The following SLC43A2 variants were observed in gnomAD, a reference collection of about 807,000 sequenced individuals.
SLC43A2 encodes large neutral amino acids transporter small subunit 4.
SLC43A2 carries 38 observed loss-of-function variants against 63.2 expected under a neutral mutation model. That is an observed-to-expected ratio of 0.60 (90% CI 0.46 to 0.79). The LOEUF is 0.79. Ranked by LOEUF, SLC43A2 falls within the 30% of genes least tolerant of loss-of-function variation. The probability of loss-of-function intolerance (pLI) is 0.00; values close to 1 mark genes in which losing one functional copy is unlikely to be tolerated. For synonymous variants in SLC43A2, 322 were observed against 331.0 expected (o/e 0.97, Z 0.30); for missense variants, 644 against 756.2 (o/e 0.85, Z 1.74).
intron 11 of SLC43A2, among the ~76,000 whole-genome samples, chr17:1,580,980 G>A (rs2076003512): frequency 6.6e-6 from 1 of 152,080 alleles, no homozygotes; most frequent in South Asian, 2.1e-4. Flanking sequence ...GCTGTCTGTG[G>A]GAGGCCCCCT....
rs926928889 is a variant in SLC43A2 at position 1,578,858 on chromosome 17, A to C, written c.1351-535T>G. Among the ~76,000 whole-genome samples, 15 of 146,074 alleles carry C rather than the reference A, an allele frequency of 1.0e-4. No individual in the cohort carries two copies. The highest frequency in any genetic ancestry group is 2.3e-4 in the East Asian group (1 of 4,316). On this transcript the variant is annotated intron_variant, in intron 11 of 13. Coordinates refer to ENST00000301335, the MANE Select transcript of SLC43A2 (RefSeq NM_152346.3). This position sits in a 1 kb window ranked among gnomAD's most constrained non-coding sequence, Gnocchi z 6.5. ...GAGTCATTATTAAAAATTAAATTAT[A>C]GGCTGGGCAAGGTGGCTCACGCCCG... is the stretch of plus-strand genomic sequence containing the variant.
At chr17:1,591,235 T>A (rs1383029738) in intron 8 of SLC43A2, 34 bp downstream of exon 8, 2 of 1,596,510 alleles carry the variant, frequency 1.3e-6, no homozygotes, top group East Asian at 2.2e-5. Flanking sequence ...GAGCACTCCC[T>A]GCCCGTCGCC....
chr17:1,591,718 A>AGGGGGG lies in SLC43A2; in HGVS notation c.595-20_595-19insCCCCCC. On this transcript the variant is annotated intron_variant, in intron 6 of 13. Coordinates refer to ENST00000301335, the MANE Select transcript of SLC43A2 (RefSeq NM_152346.3). The stretch of plus-strand genomic sequence containing the variant: ...AGATGAGCTGACAGGCACCGCGGGG[A>AGGGGGG]CGGGGTGGGGGGGGGAGGGGGCAGA... 1 of 116,032 alleles carries AGGGGGG rather than the reference A, an allele frequency of 8.6e-6. No homozygotes were observed. Among genetic ancestry groups the AGGGGGG allele is most frequent in the Non-Finnish European group, 2.0e-5 (1 of 50,888 alleles). 7.2% of individuals were successfully genotyped at this position (116,032 alleles called of 1,614,324 possible).
At position 1,606,637 on chromosome 17, in the gene SLC43A2, G is replaced by A. The variant is rs569883056; in HGVS notation, c.501+6558C>T. On this transcript the variant is annotated intron_variant, in intron 5 of 13. Transcript: ENST00000301335. The surrounding 1 kb of genome is among the most constrained non-coding windows in gnomAD (Gnocchi z 4.7). ...AGATGCGGCCTCAGCCGCCGGCCGTGTTTGTGCTCCAGCCGATGAAGCGAG... is the reference window on the plus strand; with the variant it reads ...AGATGCGGCCTCAGCCGCCGGCCGTATTTGTGCTCCAGCCGATGAAGCGAG... 2.6e-5 allele frequency among the ~76,000 whole-genome samples: 4 copies of A among 152,322 alleles called. No homozygotes were observed. Among genetic ancestry groups the A allele is most frequent in the Non-Finnish European group, 4.4e-5 (3 of 68,032 alleles).
At position 1,591,409 on chromosome 17, in the gene SLC43A2, T is replaced by G. The variant is rs1426810512; in HGVS notation, c.791A>C (p.Lys264Thr). Residue 264 changes from lysine (K) to threonine (T), a missense_variant, in exon 8 of 14, where the codon AAG becomes ACG. Lys to Thr is a moderately conservative substitution (Grantham distance 78). Around this residue, in one of 3 missense-constraint regions of SLC43A2, gnomAD observed 528 missense variants for 623.6 expected, o/e 0.85. Coordinates refer to ENST00000301335, the MANE Select transcript of SLC43A2 (RefSeq NM_152346.3). ...GCGCCGGCCCACCGTGGTCACCTGC[T>G]TGTAGAACTGCTTCCCTGTGATCTT... ...DHKITGKQFYKQVTTVGRRLS... is the reference protein window; with the variant it reads ...DHKITGKQFYTQVTTVGRRLS... 6.2e-7 allele frequency: 1 copy of G among 1,613,168 alleles called. No homozygotes were observed. Among genetic ancestry groups the G allele is most frequent in the Non-Finnish European group, 8.5e-7 (1 of 1,179,964 alleles).
intron 5 of SLC43A2, among the ~76,000 whole-genome samples, chr17:1,598,027 G>A (rs1905486998): frequency 6.6e-6 from 1 of 152,164 alleles, no homozygotes; most frequent in Non-Finnish European, 1.5e-5. Flanking sequence ...GCATCTCCGT[G>A]GCCATATCTA....
chr17:1,590,660 C>T (rs1904663396), intron 9 of SLC43A2, 142 bp downstream of exon 9: 2 of 1,093,518 alleles, frequency 1.8e-6, no homozygotes, highest in South Asian at 1.5e-5. Flanking sequence ...GATGCAATAG[C>T]TCTGACGGGC....
intron 10 of SLC43A2, 128 bp downstream of exon 10, chr17:1,585,785 C>T (rs775716280): frequency 1.9e-6 from 3 of 1,598,986 alleles, no homozygotes; most frequent in African/African-American, 1.3e-5. Flanking sequence ...TCTCTAAGGG[C>T]TCCGGGAGCA....
chr17:1,592,431 C>G (rs1011758846), intron 6 of SLC43A2, among the ~76,000 whole-genome samples: 1 of 152,068 alleles, frequency 6.6e-6, no homozygotes, highest in Admixed American at 6.5e-5. Context: ...TGTTCCCCCC[C>G]AAAAAAAGGA....
chr17:1,620,049 C>A (rs1908011967), intron 2 of SLC43A2, among the ~76,000 whole-genome samples: 1 of 152,136 alleles, frequency 6.6e-6, no homozygotes, highest in Admixed American at 6.5e-5. Context: ...TGGGTTTTCT[C>A]ATCTAGAGCC....
intron 5 of SLC43A2, among the ~76,000 whole-genome samples, chr17:1,596,998 C>CCT (rs1251919664): frequency 4.0e-5 from 6 of 151,534 alleles, no homozygotes; most frequent in East Asian, 1.9e-4. Context: ...GGGCGGATCA[C>CCT]GAGGTCAGGA....
chr17:1,577,322 G>A lies in SLC43A2; in HGVS notation c.1425-602C>T, dbSNP rs980171872. Reference sequence around the variant, plus strand: ...GCGGGGACCTGCGGTTTGGGAAACAGGCCCAGAGAGGAGTGTGGAGGCTGG... The same window carrying A: ...GCGGGGACCTGCGGTTTGGGAAACAAGCCCAGAGAGGAGTGTGGAGGCTGG... On this transcript the variant is annotated intron_variant, in intron 12 of 13. Coordinates refer to ENST00000301335, the MANE Select transcript of SLC43A2 (RefSeq NM_152346.3). The surrounding 1 kb of genome is among the most constrained non-coding windows in gnomAD (Gnocchi z 4.9). 6.6e-6 allele frequency among the ~76,000 whole-genome samples: 1 copy of A among 152,226 alleles called. No homozygotes were observed. Among genetic ancestry groups the A allele is most frequent in the Non-Finnish European group, 1.5e-5 (1 of 68,044 alleles).
chr17:1,607,867 C>G (rs1906761757), intron 5 of SLC43A2, among the ~76,000 whole-genome samples: 1 of 152,072 alleles, frequency 6.6e-6, no homozygotes, highest in South Asian at 2.1e-4. Context: ...AGGCGCCCAC[C>G]ACCACATCTG....
intron 10 of SLC43A2, among the ~76,000 whole-genome samples, chr17:1,584,701 T>A (rs919107181): frequency 1.3e-5 from 2 of 151,100 alleles, no homozygotes; most frequent in African/African-American, 4.9e-5. Flanking sequence ...GCGCCTGTAG[T>A]CCCAGATACT....
rs761155096 is a variant in SLC43A2, at chr17:1,578,333, G to T, written c.1351-10C>A. The T allele has an allele frequency of 3.1e-6, 5 of 1,613,510 alleles. No homozygotes were observed. The highest frequency in any genetic ancestry group is 4.2e-6 in the Non-Finnish European group (5 of 1,179,794). On this transcript the variant is annotated splice_polypyrimidine_tract_variant and intron_variant, in intron 11 of 13. Transcript: ENST00000301335. This position sits in a 1 kb window ranked among gnomAD's most constrained non-coding sequence, Gnocchi z 6.5. ...GGATGAAGGAGAGGATCTGGGGGAG[G>T]AAAAGGCGACTGTGGGCATAAGGCC...
Position 1,602,159 on chromosome 17 carries a change from T to A in SLC43A2, c.502-8880A>T, listed in dbSNP as rs543858888. 5.3e-5 allele frequency among the ~76,000 whole-genome samples: 8 copies of A among 151,986 alleles called. No homozygotes were observed. In the South Asian group the frequency reaches 1.7e-3, roughly 32 times the overall value. Reference sequence around the variant, plus strand: ...AGCGGCAGGGGGCTGCATAGCAAGGTCTCCTTCAGCTTTGTTTTAATTATT... The same window carrying A: ...AGCGGCAGGGGGCTGCATAGCAAGGACTCCTTCAGCTTTGTTTTAATTATT... On this transcript the variant is annotated intron_variant, in intron 5 of 13. Coordinates refer to ENST00000301335, the MANE Select transcript of SLC43A2 (RefSeq NM_152346.3).
chr17:1,617,381 C>G (rs1490703490), intron 2 of SLC43A2, among the ~76,000 whole-genome samples: 3 of 152,116 alleles, frequency 2.0e-5, no homozygotes, highest in Non-Finnish European at 4.4e-5. Context: ...CCTTCTCCCC[C>G]TGATATTTTC....
chr17:1,612,254 A>G (rs549119274), intron 5 of SLC43A2, among the ~76,000 whole-genome samples: 237 of 152,034 alleles, frequency 1.6e-3, no homozygotes, highest in Non-Finnish European at 3.0e-3. Flanking sequence ...GTGAGCCACC[A>G]TGCCCAGCCC....
chr17:1,580,080 C>T (rs1246969346), intron 11 of SLC43A2, among the ~76,000 whole-genome samples: 1 of 152,128 alleles, frequency 6.6e-6, no homozygotes, highest in East Asian at 1.9e-4. Context: ...GTGCATGCCA[C>T]CAAGCCCGGC....
Sources: gnomAD v4.1 joint callset for allele counts (sites outside exome capture counted in the v4.1 genomes callset) on GRCh38, gnomAD v4.1.1 for gene constraint, gnomAD v4.1.1 regional missense constraint, Gnocchi (gnomAD v3.1) non-coding constraint, MANE v1.5 for transcripts, NCBI Gene and HGNC (gene_info 2026-07-23, HGNC 2026-07-21) for gene names.